COL11A1: variants seen among roughly 807,000 people sequenced by gnomAD.
COL11A1 encodes the protein collagen type XI alpha 1 chain.
A neutral mutation model predicts 265.2 loss-of-function variants in COL11A1; 74 were observed. The observed-to-expected ratio is 0.28, with a 90% CI of 0.23 to 0.34. The LOEUF is 0.34. Among genes scored for constraint, COL11A1 ranks in the 10% least tolerant of loss-of-function variants. COL11A1 has a pLI of 1.00. For missense variants in COL11A1, 2,165 were observed against 2,263.6 expected (o/e 0.96, Z 0.88); for synonymous variants, 816 against 727.6 (o/e 1.12, Z -1.96).
At chr1:102,905,251 A>T (rs1180732879) in intron 54 of COL11A1, among the ~76,000 whole-genome samples, 2 of 148,812 alleles carry the variant, frequency 1.3e-5, no homozygotes, top group African/African-American at 2.5e-5. Flanking sequence ...GAGGGATAGC[A>T]TTAGGAGATA....
chr1:102,961,689 C>T (rs146987952), intron 41 of COL11A1, 177 bp downstream of exon 41: 257 of 616,390 alleles, frequency 4.2e-4, no homozygotes, highest in African/African-American at 3.6e-3. Context: ...CATCCAAACC[C>T]TTCTGTTTCT....
At chr1:103,029,894 C>T (rs1416124985) in intron 5 of COL11A1, among the ~76,000 whole-genome samples, 4 of 151,978 alleles carry the variant, frequency 2.6e-5, no homozygotes, top group Non-Finnish European at 5.9e-5. Flanking sequence ...GCAAACCTCC[C>T]TTCTTCCAAA....
At chr1:102,950,825 C>A (rs1659802502) in intron 41 of COL11A1, among the ~76,000 whole-genome samples, 1 of 152,182 alleles carries the variant, frequency 6.6e-6, no homozygotes, top group Non-Finnish European at 1.5e-5. Flanking sequence ...ATTATCCCCA[C>A]CTGTCAAGGG....
At chr1:102,912,275 T>G in intron 53 of COL11A1, 63 bp from the exon 54 acceptor site, 1 of 1,384,792 alleles carries the variant, frequency 7.2e-7, no homozygotes, top group Non-Finnish European at 1.0e-6. Flanking sequence ...CACATAAATT[T>G]TCAAAATCTG....
intron 6 of COL11A1, 155 bp from the exon 7 acceptor site, chr1:103,025,768 A>T: frequency 6.2e-7 from 1 of 1,610,576 alleles, no homozygotes. Flanking sequence ...CAGCTTATCT[A>T]GGATAGATCT....
chr1:103,092,626 T>C (rs1208024821), intron 1 of COL11A1, among the ~76,000 whole-genome samples: 1 of 152,150 alleles, frequency 6.6e-6, no homozygotes, highest in East Asian at 1.9e-4. Context: ...CCTGTTGCTA[T>C]TGTGGTGAAC....
chr1:102,963,781 A>C (rs1661144935), intron 38 of COL11A1, among the ~76,000 whole-genome samples: 1 of 152,126 alleles, frequency 6.6e-6, no homozygotes, highest in African/African-American at 2.4e-5. Flanking sequence ...TATCCAAAAC[A>C]TGATGTTTTC....
chr1:103,073,543 G>T (rs530222432), intron 4 of COL11A1, among the ~76,000 whole-genome samples: 1 of 151,818 alleles, frequency 6.6e-6, no homozygotes, highest in South Asian at 2.1e-4. Flanking sequence ...ACATAATCTA[G>T]CATGATATGA....
chr1:103,070,211 AT>A (rs1276347880), intron 4 of COL11A1, among the ~76,000 whole-genome samples: 1 of 25,550 alleles, frequency 3.9e-5, no homozygotes, highest in South Asian at 2.3e-3. Flanking sequence ...ACTCAGCAAA[AT>A]AATAATAATA....
chr1:102,918,110 AT>A (rs1655563691), intron 49 of COL11A1, among the ~76,000 whole-genome samples: 1 of 151,458 alleles, frequency 6.6e-6, no homozygotes, highest in African/African-American at 2.4e-5. Context: ...CAAACTATTC[AT>A]TCTGAAGAAT....
chr1:103,003,632 A>C (rs1371911618), intron 20 of COL11A1, among the ~76,000 whole-genome samples: 1 of 152,226 alleles, frequency 6.6e-6, no homozygotes, highest in Non-Finnish European at 1.5e-5. Context: ...TATACTACAT[A>C]AATAGAAGAG....
chr1:102,926,794 G>T (rs1277866742), intron 46 of COL11A1, among the ~76,000 whole-genome samples: 1 of 152,036 alleles, frequency 6.6e-6, no homozygotes, highest in Admixed American at 6.5e-5. Context: ...AAAAGAAAAT[G>T]AATATTAATG....
At chr1:102,951,744 AAAAAT>A (rs140090643) in intron 41 of COL11A1, among the ~76,000 whole-genome samples, 3 of 151,658 alleles carry the variant, frequency 2.0e-5, no homozygotes, top group African/African-American at 4.9e-5. Context: ...TCCGTCTTAA[AAAAAT>A]AAAATAAAAT....
At chr1:103,044,429 A>G (rs1180193968) in intron 4 of COL11A1, among the ~76,000 whole-genome samples, 2 of 152,120 alleles carry the variant, frequency 1.3e-5, no homozygotes, top group African/African-American at 4.8e-5. Flanking sequence ...GCAGTGTCTT[A>G]TATTACTTGA....
intron 35 of COL11A1, among the ~76,000 whole-genome samples, chr1:102,975,996 T>C (rs1427054578): frequency 6.6e-6 from 1 of 152,082 alleles, no homozygotes; most frequent in Non-Finnish European, 1.5e-5. Flanking sequence ...CCAAAACTAC[T>C]GGGCAAATCT....
At chr1:103,026,707 A>G (rs1303387800) in intron 5 of COL11A1, among the ~76,000 whole-genome samples, 1 of 152,140 alleles carries the variant, frequency 6.6e-6, no homozygotes, top group Non-Finnish European at 1.5e-5. Flanking sequence ...TTTCTCTATA[A>G]GAGCGCTACA....
intron 46 of COL11A1, among the ~76,000 whole-genome samples, chr1:102,928,487 A>T (rs934807055): frequency 2.6e-5 from 4 of 152,090 alleles, no homozygotes; most frequent in African/African-American, 9.7e-5. Flanking sequence ...CATTTTATTA[A>T]TCCAGTCTAT....
chr1:103,008,628 A>T, intron 14 of COL11A1, 112 bp from the exon 15 acceptor site: 1 of 945,266 alleles, frequency 1.1e-6, no homozygotes, highest in Non-Finnish European at 1.7e-6. Flanking sequence ...ATTTAATCAT[A>T]TTAGCATTAA....
At chr1:103,082,666 C>T (rs1672505574) in intron 2 of COL11A1, 139 bp downstream of exon 2, 1 of 739,476 alleles carries the variant, frequency 1.4e-6, no homozygotes, top group East Asian at 2.8e-5. Context: ...GAAAGAATTG[C>T]ATTTTACCAT....
Sources: gnomAD v4.1 joint callset for allele counts (sites outside exome capture counted in the v4.1 genomes callset) on GRCh38, gnomAD v4.1.1 for gene constraint, MANE v1.5 for transcripts, NCBI Gene and HGNC (gene_info 2026-07-23, HGNC 2026-07-21) for gene names.